The following CCSER1 variants were observed in gnomAD, a reference collection of about 807,000 sequenced individuals.
CCSER1 encodes the protein coiled-coil serine rich protein 1.
Under a neutral mutation model 82.0 loss-of-function variants are expected in CCSER1, and 41 were observed. The ratio of observed to expected loss-of-function variants is 0.50; its 90% CI spans 0.39 to 0.65. CCSER1 has a LOEUF of 0.65. CCSER1 is among the 30% of genes least tolerant of loss of function. CCSER1 has a pLI of 0.00. For missense variants in CCSER1, 1,119 were observed against 1,064.2 expected (o/e 1.05, Z -0.72); for synonymous variants, 414 against 383.9 (o/e 1.08, Z -0.92).
chr4:90,926,682 C>A (rs1206349454), intron 9 of CCSER1, among the ~76,000 whole-genome samples: 2 of 151,982 alleles, frequency 1.3e-5, no homozygotes, highest in African/African-American at 4.8e-5. Context: ...TTCAGAGTGT[C>A]TCAGCACAGG....
intron 4 of CCSER1, 69 bp from the exon 5 acceptor site, chr4:90,468,165 G>C: frequency 7.4e-7 from 1 of 1,345,820 alleles, no homozygotes; most frequent in Non-Finnish European, 1.0e-6. Flanking sequence ...ATAGAAAGGG[G>C]AAAAAGGAGA....
chr4:91,154,907 G>T (rs1268307182), intron 10 of CCSER1, among the ~76,000 whole-genome samples: 1 of 151,828 alleles, frequency 6.6e-6, no homozygotes, highest in East Asian at 1.9e-4. Flanking sequence ...GGAAGTAGGG[G>T]CACAGAGAAG....
chr4:90,283,333 GTATTTT>G (rs1420046384), intron 1 of CCSER1, among the ~76,000 whole-genome samples: 1 of 151,608 alleles, frequency 6.6e-6, no homozygotes, highest in African/African-American at 2.4e-5. Context: ...TTTTTTATTT[GTATTTT>G]TATTATACAT....
chr4:91,367,858 A>G (rs1029878875), intron 10 of CCSER1, among the ~76,000 whole-genome samples: 2 of 152,092 alleles, frequency 1.3e-5, no homozygotes, highest in Admixed American at 6.6e-5. Flanking sequence ...TGATTATTTT[A>G]TGAGTAGCTC....
chr4:91,446,676 A>ATATATATATATATAT (rs376326688), intron 10 of CCSER1, among the ~76,000 whole-genome samples: 3 of 142,544 alleles, frequency 2.1e-5, no homozygotes, highest in African/African-American at 7.7e-5. Flanking sequence ...TAAATAAATA[A>ATATATATATATATAT]ATATATATAT....
At chr4:90,475,914 A>T (rs1765015723) in intron 5 of CCSER1, among the ~76,000 whole-genome samples, 1 of 152,170 alleles carries the variant, frequency 6.6e-6, no homozygotes, top group African/African-American at 2.4e-5. Context: ...TGGTAGCAGG[A>T]ATGCATTAGC....
intron 5 of CCSER1, among the ~76,000 whole-genome samples, chr4:90,488,663 T>C (rs888387713): frequency 3.3e-5 from 5 of 152,182 alleles, no homozygotes; most frequent in African/African-American, 7.2e-5. Flanking sequence ...AAATAATTTG[T>C]TTAGCCTTAC....
rs574009274 is a variant in CCSER1, at chr4:90,330,156, C to T, written c.1509+17109C>T. ...GTGAGAGAAACTTTTGTAACACACT[C>T]GAGTTTTTGCACTTGTCTTTCTTCT... On this transcript the variant is annotated intron_variant, in intron 3 of 10. Transcript: ENST00000509176. Among the ~76,000 whole-genome samples, 11 of 152,178 alleles carry T rather than the reference C, an allele frequency of 7.2e-5. 1 individual carries two copies. The East Asian group carries it at 9.6e-4, about 13-fold the overall frequency.
At chr4:90,948,737 T>C (rs1732558251) in intron 9 of CCSER1, among the ~76,000 whole-genome samples, 1 of 152,034 alleles carries the variant, frequency 6.6e-6, no homozygotes, top group Admixed American at 6.6e-5. Flanking sequence ...TATCAGACTA[T>C]TAAGTTCAGC....
chr4:90,266,725 A>G (rs1185173233), intron 1 of CCSER1, among the ~76,000 whole-genome samples: 1 of 152,018 alleles, frequency 6.6e-6, no homozygotes, highest in Non-Finnish European at 1.5e-5. Flanking sequence ...CCATGGAGGG[A>G]GCATTTAGAC....
At chr4:90,651,705 G>A (rs1011433000) in intron 6 of CCSER1, among the ~76,000 whole-genome samples, 1 of 150,450 alleles carries the variant, frequency 6.6e-6, no homozygotes, top group African/African-American at 2.4e-5. Flanking sequence ...AAAAAAGTTT[G>A]TAAAGCAAAT....
chr4:90,402,670 G>A (rs1227835930), intron 4 of CCSER1, among the ~76,000 whole-genome samples: 1 of 152,056 alleles, frequency 6.6e-6, no homozygotes, highest in East Asian at 1.9e-4. Flanking sequence ...AGTTAACATA[G>A]CAGTCTCAAT....
At chr4:91,042,827 T>A (rs941339569) in intron 9 of CCSER1, among the ~76,000 whole-genome samples, 4 of 152,144 alleles carry the variant, frequency 2.6e-5, no homozygotes, top group African/African-American at 9.7e-5. Context: ...TAACAAATGA[T>A]CTTGAAAAAT....
intron 7 of CCSER1, among the ~76,000 whole-genome samples, chr4:90,800,026 T>A (rs574216500): frequency 1.3e-5 from 2 of 152,332 alleles, no homozygotes; most frequent in Non-Finnish European, 2.9e-5. Flanking sequence ...GCCCAGCTTC[T>A]GTGTCTTCCT....
chr4:90,511,095 TCAAA>T (rs2153617243), intron 5 of CCSER1, among the ~76,000 whole-genome samples: 2 of 152,202 alleles, frequency 1.3e-5, no homozygotes, highest in South Asian at 4.1e-4. Context: ...ATCAACCAAC[TCAAA>T]TGTTACTGAG....
At chr4:90,310,913 T>A (rs991275607) in intron 2 of CCSER1, among the ~76,000 whole-genome samples, 1 of 152,166 alleles carries the variant, frequency 6.6e-6, no homozygotes, top group Non-Finnish European at 1.5e-5. Flanking sequence ...ATCACTTTTA[T>A]GCACGTGACC....
intron 1 of CCSER1, among the ~76,000 whole-genome samples, chr4:90,277,218 T>G (rs1453418811): frequency 1.3e-5 from 2 of 152,134 alleles, no homozygotes; most frequent in Non-Finnish European, 2.9e-5. Context: ...ATTAATATAG[T>G]TAAAATGGTC....
chr4:91,229,762 C>A (rs1738477186), intron 10 of CCSER1, among the ~76,000 whole-genome samples: 1 of 152,136 alleles, frequency 6.6e-6, no homozygotes, highest in Admixed American at 6.6e-5. Context: ...CATGTTCTCA[C>A]TCATTAGTGG....
chr4:90,541,858 T>C (rs777417732), intron 5 of CCSER1, among the ~76,000 whole-genome samples: 3 of 152,060 alleles, frequency 2.0e-5, no homozygotes, highest in Admixed American at 1.3e-4. Flanking sequence ...CAAATTCTTT[T>C]CCTGAAAATG....
Sources: allele counts gnomAD v4.1 joint callset (sites outside exome capture counted in the v4.1 genomes callset), GRCh38; gene constraint gnomAD v4.1.1; transcripts MANE v1.5; gene names NCBI Gene and HGNC (gene_info 2026-07-23, HGNC 2026-07-21).